The following TEAD1 variants were observed in gnomAD, a reference collection of about 807,000 sequenced individuals.
The protein encoded by TEAD1 is transcriptional enhancer factor TEF-1.
A neutral mutation model predicts 54.9 loss-of-function variants in TEAD1; 9 were observed. The observed-to-expected ratio is 0.16, with a 90% confidence interval of 0.10 to 0.29. The LOEUF is 0.29. Among genes scored for constraint, TEAD1 ranks in the 10% least tolerant of loss-of-function variants. The pLI is 1.00. For synonymous variants in TEAD1, 200 were observed against 187.8 expected (o/e 1.07, Z -0.53); for missense variants, 387 against 535.9 (o/e 0.72, Z 2.74).
chr11:12,703,596 T>C (rs1162474438), intron 2 of TEAD1, among the ~76,000 whole-genome samples: 1 of 152,188 alleles, frequency 6.6e-6, no homozygotes, highest in Non-Finnish European at 1.5e-5. Context: ...CCATCATCCT[T>C]CGTTGTTGTT....
At chr11:12,856,864 T>C (rs963387288) in intron 3 of TEAD1, among the ~76,000 whole-genome samples, 1 of 152,130 alleles carries the variant, frequency 6.6e-6, no homozygotes, top group Non-Finnish European at 1.5e-5. Flanking sequence ...AAGCATTGCA[T>C]TTGTTGCTTC....
chr11:12,724,333 A>G (rs978231917), intron 2 of TEAD1, among the ~76,000 whole-genome samples: 5 of 152,214 alleles, frequency 3.3e-5, no homozygotes, highest in Admixed American at 1.3e-4. Context: ...CTCGATTTCA[A>G]TTTAATTTGT....
At chr11:12,737,328 C>CAAA (rs5789738) in intron 2 of TEAD1, among the ~76,000 whole-genome samples, 4 of 131,960 alleles carry the variant, frequency 3.0e-5, no homozygotes, top group Non-Finnish European at 5.1e-5. Context: ...AAAGACTAAG[C>CAAA]AAAAAAAAAA....
At chr11:12,704,983 C>G (rs747022450) in intron 2 of TEAD1, among the ~76,000 whole-genome samples, 1 of 152,204 alleles carries the variant, frequency 6.6e-6, no homozygotes, top group Non-Finnish European at 1.5e-5. Flanking sequence ...AGTAGACATT[C>G]AATGGCTATC....
At chr11:12,843,569 T>C (rs1468292801) in intron 3 of TEAD1, among the ~76,000 whole-genome samples, 1 of 152,250 alleles carries the variant, frequency 6.6e-6, no homozygotes, top group East Asian at 1.9e-4. Context: ...CTGCTTTTGT[T>C]GTGACAAGTG....
chr11:12,774,005 A>T (rs905529141), intron 3 of TEAD1, among the ~76,000 whole-genome samples: 1 of 152,124 alleles, frequency 6.6e-6, no homozygotes, highest in African/African-American at 2.4e-5. Context: ...CAAGAAGGTT[A>T]TTGGGTTTAT....
At chr11:12,890,330 G>T (rs1369167667) in intron 9 of TEAD1, among the ~76,000 whole-genome samples, 7 of 152,208 alleles carry the variant, frequency 4.6e-5, no homozygotes, top group Non-Finnish European at 1.0e-4. Flanking sequence ...ACATTGGGTA[G>T]ATGGTTACTC....
rs1948433709 is a variant in TEAD1 at position 12,901,976 on chromosome 11, A to G, written c.736A>G (p.Asn246Asp). The G allele has an allele frequency of 3.7e-6, 6 of 1,614,214 alleles. No individual in the cohort carries two copies. The highest frequency in any genetic ancestry group is 5.1e-6 in the Non-Finnish European group (6 of 1,180,036). Residue 246 changes from asparagine (N) to aspartate (D), a missense_variant, in exon 10 of 13, where the codon AAC becomes GAC. By Grantham distance (23) the Asn-to-Asp change is conservative (BLOSUM62 1). Coordinates refer to ENST00000527636, the MANE Select transcript of TEAD1 (RefSeq NM_021961.6). ...CCTCTTCGTGCACATTGGGCATGCC[A>G]ACCATTCTTACAGTGACCCATTGCT... is the stretch of plus-strand genomic sequence containing the variant.
intron 2 of TEAD1, among the ~76,000 whole-genome samples, chr11:12,701,774 G>A (rs545499678): frequency 6.6e-6 from 1 of 152,166 alleles, no homozygotes; most frequent in Non-Finnish European, 1.5e-5. Flanking sequence ...AAGAGACTTA[G>A]AGCTGGGAGT....
At chr11:12,912,965 A>G (rs1948644140) in intron 10 of TEAD1, among the ~76,000 whole-genome samples, 1 of 152,172 alleles carries the variant, frequency 6.6e-6, no homozygotes, top group Admixed American at 6.5e-5. Context: ...CTGTGGCTAC[A>G]GACTGAGATG....
At chr11:12,937,001 C>T in intron 12 of TEAD1, 108 bp from the exon 13 acceptor site, 1 of 758,846 alleles carries the variant, frequency 1.3e-6, no homozygotes, top group South Asian at 1.5e-5. Context: ...GAGCAAATCT[C>T]TCTTGGACTT....
At chr11:12,845,684 C>T (rs1947131641) in intron 3 of TEAD1, among the ~76,000 whole-genome samples, 1 of 152,200 alleles carries the variant, frequency 6.6e-6, no homozygotes, top group South Asian at 2.1e-4. Flanking sequence ...AAACAGTTTT[C>T]ATCTCAAGAA....
At chr11:12,817,646 C>A (rs1335813321) in intron 3 of TEAD1, among the ~76,000 whole-genome samples, 1 of 152,098 alleles carries the variant, frequency 6.6e-6, no homozygotes, top group East Asian at 1.9e-4. Context: ...CCACTGTTGG[C>A]CACACTTATA....
intron 3 of TEAD1, among the ~76,000 whole-genome samples, chr11:12,782,221 T>G (rs566548954): frequency 2.6e-5 from 4 of 152,306 alleles, no homozygotes; most frequent in Admixed American, 2.6e-4. Flanking sequence ...TATCAGCTGA[T>G]GACTGCGTAA....
intron 2 of TEAD1, among the ~76,000 whole-genome samples, chr11:12,699,719 C>G (rs1943657051): frequency 6.6e-6 from 1 of 152,198 alleles, no homozygotes; most frequent in Non-Finnish European, 1.5e-5. Flanking sequence ...TAGAAAACCT[C>G]TGGTACATAG....
At chr11:12,842,946 T>C (rs1245455514) in intron 3 of TEAD1, among the ~76,000 whole-genome samples, 1 of 152,254 alleles carries the variant, frequency 6.6e-6, no homozygotes, top group Non-Finnish European at 1.5e-5. Flanking sequence ...TAAGAACATT[T>C]GTCTGAGACA....
chr11:12,864,726 G>T, intron 4 of TEAD1, 112 bp from the exon 5 acceptor site: 1 of 1,602,086 alleles, frequency 6.2e-7, no homozygotes, highest in South Asian at 1.1e-5. Flanking sequence ...AAGAAAGTTC[G>T]AGAAATTCAA....
At chr11:12,935,846 C>T (rs535378164) in intron 12 of TEAD1, among the ~76,000 whole-genome samples, 1 of 152,220 alleles carries the variant, frequency 6.6e-6, no homozygotes, top group East Asian at 1.9e-4. Flanking sequence ...ACTTATATTC[C>T]ACTGGGTGAG....
intron 9 of TEAD1, among the ~76,000 whole-genome samples, chr11:12,885,707 A>G (rs1948073444): frequency 1.3e-5 from 2 of 152,178 alleles, no homozygotes; most frequent in South Asian, 2.1e-4. Context: ...CTTTTTTTAA[A>G]AGAAATTAAA....
Sources: allele counts gnomAD v4.1 joint callset (sites outside exome capture counted in the v4.1 genomes callset), GRCh38; gene constraint gnomAD v4.1.1; transcripts MANE v1.5; gene names NCBI Gene and HGNC (gene_info 2026-07-23, HGNC 2026-07-21).